ABTB2: variants seen among roughly 807,000 people sequenced by gnomAD.
ABTB2 encodes the protein ankyrin repeat and BTB/POZ domain-containing protein 2.
In ABTB2, 56 loss-of-function variants were observed where a neutral mutation model predicts 104.1. That is an observed-to-expected ratio of 0.54 (90% confidence interval 0.43 to 0.67). ABTB2 has a LOEUF of 0.67. Ranked by LOEUF, ABTB2 falls within the 30% of genes least tolerant of loss-of-function variation. The pLI, the probability that ABTB2 is intolerant of heterozygous loss-of-function variation, is 0.00. For missense variants in ABTB2, 1,279 were observed against 1,407.7 expected (o/e 0.91, Z 1.46); for synonymous variants, 606 against 608.2 (o/e 1.00, Z 0.05).
Position 34,220,969 on chromosome 11 carries a change from C to CT in ABTB2, c.884-16280dup, listed in dbSNP as rs796101704. 4.2e-3 allele frequency among the ~76,000 whole-genome samples: 597 copies of CT among 142,978 alleles called. 5 individuals are homozygous for CT. Among genetic ancestry groups the CT allele is most frequent in the Admixed American group, 0.015 (207 of 14,220 alleles). 93.8% of individuals were successfully genotyped at this position (142,978 alleles called of 152,430 possible). On this transcript the variant is annotated intron_variant, in intron 1 of 16. Coordinates refer to ENST00000435224, the MANE Select transcript of ABTB2 (RefSeq NM_145804.3). ...TCTTTCTCTGTGCCTGTGTCCTAAT[C>CT]TTTTTTTTTTTTTTCTTTGAGAAGG...
In ABTB2 at chr11:34,159,989, A is replaced by G; in HGVS notation, c.2523T>C (p.Asn841=). Reference sequence around the variant, plus strand: ...GGAAGGTCACATCTGACATCTCCTTATTGTTCAAAAAGTGTGGATCTGTGA... The same window carrying G: ...GGAAGGTCACATCTGACATCTCCTTGTTGTTCAAAAAGTGTGGATCTGTGA... ...PARLDPHFLN[N]KEMSDVTFLV... is the part of the protein sequence containing the mutation. Residue 841 remains asparagine (N), a synonymous_variant, in exon 13 of 17, where the codon AAT becomes AAC. Transcript: ENST00000435224. 1.2e-6 allele frequency: 2 copies of G among 1,613,584 alleles called. No individual in the cohort carries two copies. Among genetic ancestry groups the G allele is most frequent in the Non-Finnish European group, 1.7e-6 (2 of 1,179,740 alleles).
In ABTB2 at chr11:34,268,972, C is replaced by T. The variant is rs60009830; in HGVS notation, c.884-64282G>A. Among the ~76,000 whole-genome samples the T allele has an allele frequency of 1.1e-3, 164 of 152,300 alleles. 1 individual carries two copies. The highest frequency in any genetic ancestry group is 3.8e-3 in the African/African-American group (158 of 41,558). ...TCCAAATAAAGTGACATTCCGAGGT[C>T]CTAGGGGTTAAGACTTCAACATATC... On this transcript the variant is annotated intron_variant, in intron 1 of 16. Coordinates refer to ENST00000435224, the MANE Select transcript of ABTB2 (RefSeq NM_145804.3).
At chr11:34,305,760 A>G (rs953934831) in intron 1 of ABTB2, among the ~76,000 whole-genome samples, 1 of 152,180 alleles carries the variant, frequency 6.6e-6, no homozygotes, top group African/African-American at 2.4e-5. Context: ...ATACTCATAT[A>G]CCCTTTACCT....
At chr11:34,339,790 T>C (rs745744445) in intron 1 of ABTB2, among the ~76,000 whole-genome samples, 1 of 152,208 alleles carries the variant, frequency 6.6e-6, no homozygotes, top group African/African-American at 2.4e-5. Context: ...TAGTGGCAGA[T>C]TTAGCACATT....
chr11:34,267,897 A>G (rs990035545), intron 1 of ABTB2, among the ~76,000 whole-genome samples: 4 of 152,192 alleles, frequency 2.6e-5, no homozygotes, highest in Non-Finnish European at 5.9e-5. Context: ...TTTTATTATA[A>G]ATAATGCACA....
chr11:34,311,771 T>G (rs916657125), intron 1 of ABTB2, among the ~76,000 whole-genome samples: 15 of 152,330 alleles, frequency 9.8e-5, no homozygotes, highest in Middle Eastern at 3.4e-3. Flanking sequence ...CAGTAAAGGA[T>G]GGAACAGGTG....
chr11:34,322,365 C>T (rs1014847597), intron 1 of ABTB2, among the ~76,000 whole-genome samples: 2 of 152,090 alleles, frequency 1.3e-5, no homozygotes, highest in Non-Finnish European at 2.9e-5. Flanking sequence ...CACTTGAGGT[C>T]AGGAGTTCGA....
chr11:34,346,109 T>C, intron 1 of ABTB2, among the ~76,000 whole-genome samples: 1 of 152,164 alleles, frequency 6.6e-6, no homozygotes, highest in Non-Finnish European at 1.5e-5. Context: ...CAGCCTGTCA[T>C]CCTCAGTTAC....
At position 34,356,258 on chromosome 11, in the gene ABTB2, G is replaced by A. The variant is rs1038342418; in HGVS notation, c.883+443C>T. Among the ~76,000 whole-genome samples, 5 of 152,152 alleles carry A rather than the reference G, an allele frequency of 3.3e-5. No homozygotes were observed. The South Asian group carries it at 1.0e-3, about 32-fold the overall frequency. On this transcript the variant is annotated intron_variant, in intron 1 of 16. Coordinates refer to ENST00000435224, the MANE Select transcript of ABTB2 (RefSeq NM_145804.3). This position sits in a 1 kb window ranked among gnomAD's most constrained non-coding sequence, Gnocchi z 4.6. The stretch of plus-strand genomic sequence containing the variant: ...TCCAAGGTTCAGGTCTTTAAGTTGG[G>A]ACCCTTTGGTTGCTGCTATTGAGCT...
intron 3 of ABTB2, among the ~76,000 whole-genome samples, chr11:34,181,596 C>T (rs1298442146): frequency 1.3e-5 from 2 of 152,228 alleles, no homozygotes; most frequent in South Asian, 2.1e-4. Context: ...AGACCCTGGA[C>T]ACACCCACAA....
intron 1 of ABTB2, among the ~76,000 whole-genome samples, chr11:34,343,531 G>A (rs956834060): frequency 1.6e-4 from 25 of 152,154 alleles, no homozygotes; most frequent in African/African-American, 6.0e-4. Context: ...CTGGAGTGTG[G>A]TGGTGTGATC....
At chr11:34,241,264 A>C (rs575337630) in intron 1 of ABTB2, among the ~76,000 whole-genome samples, 1 of 152,258 alleles carries the variant, frequency 6.6e-6, no homozygotes, top group Non-Finnish European at 1.5e-5. Context: ...AGTTAATATC[A>C]CTGCTCCCAA....
chr11:34,348,051 C>T (rs193142879), intron 1 of ABTB2, among the ~76,000 whole-genome samples: 1 of 152,268 alleles, frequency 6.6e-6, no homozygotes, highest in Non-Finnish European at 1.5e-5. Context: ...ACATTCAGGG[C>T]CACGGAAGAA....
intron 1 of ABTB2, among the ~76,000 whole-genome samples, chr11:34,351,458 C>T (rs1388921972): frequency 6.6e-6 from 1 of 152,152 alleles, no homozygotes; most frequent in Non-Finnish European, 1.5e-5. Context: ...CTGAAAATTC[C>T]CCCAACTCAC....
At position 34,161,065 on chromosome 11, in the gene ABTB2, C is replaced by T. The variant is rs1366764143; in HGVS notation, c.2235G>A (p.Leu745=). The T allele has an allele frequency of 1.9e-6, 3 of 1,609,556 alleles. No individual in the cohort carries two copies. The highest frequency in any genetic ancestry group is 2.2e-5 in the East Asian group (1 of 44,726). ...TCCTCAGAGACTCGATCCAGATGTG[C>T]AGCTTCCAGGGGACTCCTGGTCCAG... ...ELRALGVPWK[L]HIWIESLRTS... Residue 745 remains leucine, a synonymous_variant, in exon 11 of 17, where the codon CTG becomes CTA. Transcript: ENST00000435224.
At chr11:34,242,762 T>C (rs1399284555) in intron 1 of ABTB2, among the ~76,000 whole-genome samples, 1 of 152,154 alleles carries the variant, frequency 6.6e-6, no homozygotes, top group East Asian at 1.9e-4. Context: ...TGGGCACTTA[T>C]GTGGCATCAA....
intron 1 of ABTB2, among the ~76,000 whole-genome samples, chr11:34,297,210 G>T (rs969647861): frequency 5.3e-5 from 8 of 152,114 alleles, no homozygotes; most frequent in Admixed American, 2.6e-4. Context: ...ACGGATTTAT[G>T]AATGATTTGC....
chr11:34,154,641 T>C lies in ABTB2; in HGVS notation c.2766+60A>G. Reference sequence around the variant, plus strand: ...CCACCTTCCCTCTGAAGGGGGTGAATGGGAGACCGAGCCGCTGGGCACCCT... The same window carrying C: ...CCACCTTCCCTCTGAAGGGGGTGAACGGGAGACCGAGCCGCTGGGCACCCT... On this transcript the variant is annotated intron_variant, in intron 15 of 16. Transcript: ENST00000435224. This position sits in a 1 kb window ranked among gnomAD's most constrained non-coding sequence, Gnocchi z 4.9. 6.4e-7 allele frequency: 1 copy of C among 1,551,154 alleles called. No homozygotes were observed. Among genetic ancestry groups the C allele is most frequent in the Admixed American group, 1.7e-5 (1 of 59,388 alleles).
chr11:34,300,538 C>T (rs528965688), intron 1 of ABTB2, among the ~76,000 whole-genome samples: 17 of 152,218 alleles, frequency 1.1e-4, no homozygotes, highest in Admixed American at 2.0e-4. Flanking sequence ...ATTTGTTTGA[C>T]GATCTACAGC....
Sources: gnomAD v4.1 joint callset for allele counts (sites outside exome capture counted in the v4.1 genomes callset) on GRCh38, gnomAD v4.1.1 for gene constraint, Gnocchi (gnomAD v3.1) non-coding constraint, MANE v1.5 for transcripts, NCBI Gene and HGNC (gene_info 2026-07-23, HGNC 2026-07-21) for gene names.